The following AUTS2 variants were observed in gnomAD, a reference collection of about 807,000 sequenced individuals.
The protein encoded by AUTS2 is activator of transcription and developmental regulator AUTS2.
AUTS2 carries 17 observed loss-of-function variants against 112.4 expected under a neutral mutation model. That is an observed-to-expected ratio of 0.15 (90% confidence interval 0.10 to 0.23). The LOEUF is 0.23. Among genes scored for constraint, AUTS2 ranks in the 10% least tolerant of loss-of-function variants. The pLI is 1.00. For missense variants in AUTS2, 1,510 were observed against 1,701.6 expected, an observed-to-expected ratio of 0.89 and a Z score of 1.98; for synonymous variants, 751 against 702.7, an observed-to-expected ratio of 1.07 and a Z score of -1.09.
intron 4 of AUTS2, among the ~76,000 whole-genome samples, chr7:70,280,576 G>A (rs932425818): frequency 2.0e-5 from 3 of 151,660 alleles, no homozygotes; most frequent in Non-Finnish European, 2.9e-5. Flanking sequence ...GATTACAGGC[G>A]TGAGCCACTG....
intron 4 of AUTS2, among the ~76,000 whole-genome samples, chr7:70,346,594 C>G (rs1170820091): frequency 6.6e-6 from 1 of 152,162 alleles, no homozygotes; most frequent in Non-Finnish European, 1.5e-5. Flanking sequence ...ACATGTCTCT[C>G]TGTCTTCCTG....
intron 2 of AUTS2, among the ~76,000 whole-genome samples, chr7:70,107,843 C>T (rs1027068230): frequency 1.3e-5 from 2 of 151,054 alleles, no homozygotes; most frequent in African/African-American, 2.4e-5. Context: ...GAAACCCCGT[C>T]TCTACTAAAA....
At chr7:69,960,596 A>AG (rs1797390879) in intron 2 of AUTS2, among the ~76,000 whole-genome samples, 1 of 152,138 alleles carries the variant, frequency 6.6e-6, no homozygotes, top group Non-Finnish European at 1.5e-5. Context: ...CATTTTTATG[A>AG]AAAGACACAA....
At chr7:69,781,560 T>C (rs1340452379) in intron 1 of AUTS2, among the ~76,000 whole-genome samples, 3 of 152,214 alleles carry the variant, frequency 2.0e-5, no homozygotes, top group Non-Finnish European at 4.4e-5. Flanking sequence ...AGCAGCCTGT[T>C]GGCAGAGGAC....
chr7:70,443,735 A>G (rs372244225), intron 5 of AUTS2, among the ~76,000 whole-genome samples: 2 of 152,142 alleles, frequency 1.3e-5, no homozygotes, highest in South Asian at 2.1e-4. Flanking sequence ...ATTTTTTCAC[A>G]AGTGTCTACT....
chr7:69,806,177 G>T (rs995105624), intron 1 of AUTS2, among the ~76,000 whole-genome samples: 3 of 134,444 alleles, frequency 2.2e-5, no homozygotes, highest in African/African-American at 8.2e-5. Context: ...ACAGATGGGA[G>T]CCACCATGCC....
chr7:69,780,367 T>A (rs1451675808), intron 1 of AUTS2, among the ~76,000 whole-genome samples: 1 of 152,152 alleles, frequency 6.6e-6, no homozygotes, highest in Non-Finnish European at 1.5e-5. Context: ...ATACTGGAGA[T>A]TTGGTGCTTG....
chr7:70,705,795 TCTC>T (rs969050718), intron 6 of AUTS2, among the ~76,000 whole-genome samples: 2 of 152,040 alleles, frequency 1.3e-5, no homozygotes, highest in Admixed American at 6.6e-5. Flanking sequence ...GGCCTCTGGG[TCTC>T]CTCCTACAAA....
intron 6 of AUTS2, among the ~76,000 whole-genome samples, chr7:70,720,087 C>T (rs1810581801): frequency 6.6e-6 from 1 of 152,118 alleles, no homozygotes. Flanking sequence ...TGCTGTTCTT[C>T]TTCCCCTACT....
intron 5 of AUTS2, among the ~76,000 whole-genome samples, chr7:70,667,097 A>C (rs1256938758): frequency 6.6e-6 from 1 of 152,192 alleles, no homozygotes; most frequent in Non-Finnish European, 1.5e-5. Flanking sequence ...GCAAGCATTA[A>C]AAGGCAATTT....
intron 4 of AUTS2, among the ~76,000 whole-genome samples, chr7:70,165,935 A>G (rs548452567): frequency 6.6e-6 from 1 of 152,240 alleles, no homozygotes; most frequent in African/African-American, 2.4e-5. Context: ...TCATGGGGGC[A>G]GTTCCCCACT....
At chr7:70,223,896 G>C (rs1811615844) in intron 4 of AUTS2, among the ~76,000 whole-genome samples, 1 of 143,768 alleles carries the variant, frequency 7.0e-6, no homozygotes, top group South Asian at 2.2e-4. Context: ...AAGGGGTCTT[G>C]CTATTTTGCC....
intron 5 of AUTS2, among the ~76,000 whole-genome samples, chr7:70,456,749 C>T (rs1177217053): frequency 2.0e-5 from 3 of 152,234 alleles, no homozygotes; most frequent in African/African-American, 4.8e-5. Context: ...CATCCCCAGC[C>T]CTTCAATCCC....
chr7:70,525,198 T>C lies in AUTS2; in HGVS notation c.690+89417T>C, dbSNP rs369531731. Among the ~76,000 whole-genome samples the C allele has an allele frequency of 6.6e-5, 10 of 152,354 alleles. No homozygotes were observed. The East Asian group carries it at 1.7e-3, about 26-fold the overall frequency. Reference sequence around the variant, plus strand: ...TCCTGAGGCACGCCTTCAGCTCCTCTGCAGTTCTGCTAGTGGAAGATTTTC... The same window carrying C: ...TCCTGAGGCACGCCTTCAGCTCCTCCGCAGTTCTGCTAGTGGAAGATTTTC... On this transcript the variant is annotated intron_variant, in intron 5 of 18. Transcript: ENST00000342771.
At chr7:70,162,221 C>T (rs868215503) in intron 4 of AUTS2, among the ~76,000 whole-genome samples, 4 of 151,156 alleles carry the variant, frequency 2.6e-5, no homozygotes, top group African/African-American at 7.3e-5. Context: ...CCGAGGCGGG[C>T]GGATCACGAG....
intron 4 of AUTS2, among the ~76,000 whole-genome samples, chr7:70,375,216 G>C (rs1490818196): frequency 6.6e-6 from 1 of 152,160 alleles, no homozygotes; most frequent in Non-Finnish European, 1.5e-5. Context: ...ATATGATAGA[G>C]ATTTTTTTCT....
chr7:70,220,280 G>A (rs967941112), intron 4 of AUTS2, among the ~76,000 whole-genome samples: 2 of 152,012 alleles, frequency 1.3e-5, no homozygotes, highest in Admixed American at 1.3e-4. Context: ...GCCATTCTTA[G>A]CTCATGGGTT....
In AUTS2 at chr7:70,118,225, C is replaced by T. The variant is rs750676605; in HGVS notation, c.616C>T (p.Leu206Phe). 3.2e-6 allele frequency: 5 copies of T among 1,557,616 alleles called. No individual in the cohort carries two copies. Among genetic ancestry groups the T allele is most frequent in the Non-Finnish European group, 4.3e-6 (5 of 1,160,526 alleles). ...CCACCGGAGCAGCTCTCGGGAAAGG[C>T]TCAGTGATGTAAGTTTAAGTAAAAA... is the stretch of plus-strand genomic sequence containing the variant. ...GFHRSSSRER[L>F]SDSSAPSSLG... Residue 206 changes from leucine to phenylalanine, a missense_variant, in exon 3 of 19, where the codon CTC (leucine) becomes TTC (phenylalanine). Leu to Phe is a conservative substitution (Grantham distance 22). This residue lies in a region of AUTS2 where 535 missense variants were observed against 594.3 expected (regional missense o/e 0.90). Coordinates refer to ENST00000342771, the MANE Select transcript of AUTS2 (RefSeq NM_015570.4).
In AUTS2 at chr7:70,771,738, G is replaced by A. The variant is rs1790360856; in HGVS notation, c.1830+94G>A. On this transcript the variant is annotated intron_variant, in intron 11 of 18. Coordinates refer to ENST00000342771, the MANE Select transcript of AUTS2 (RefSeq NM_015570.4). ...AGTTCTGCGTCCTCTTGCCTGTGCA[G>A]TGACTCATTAATCAGGTCCTAAGTG... 4 of 1,101,500 alleles carry A rather than the reference G, an allele frequency of 3.6e-6. No individual in the cohort carries two copies. In the Admixed American group the frequency reaches 5.6e-5, roughly 15 times the overall value. The allele number at this position is 1,101,500 out of a possible 1,614,324, so 68.2% of individuals were successfully genotyped here.
Sources: allele counts gnomAD v4.1 joint callset (sites outside exome capture counted in the v4.1 genomes callset), GRCh38; gene constraint gnomAD v4.1.1; regional missense constraint gnomAD v4.1.1; transcripts MANE v1.5; gene names NCBI Gene and HGNC (gene_info 2026-07-23, HGNC 2026-07-21).